Variants in THEMIS observed in about 807,000 individuals in gnomAD.
THEMIS encodes the protein protein THEMIS.
THEMIS carries 37 observed loss-of-function variants against 52.6 expected under a neutral mutation model. That is an observed-to-expected ratio of 0.70 (90% CI 0.54 to 0.93). The LOEUF (loss-of-function observed/expected upper bound fraction) is 0.93. THEMIS is among the 40% of genes least tolerant of loss of function. The probability of loss-of-function intolerance (pLI) is 0.00; values close to 1 mark genes in which losing one functional copy is unlikely to be tolerated. For missense variants in THEMIS, 808 were observed against 763.1 expected (o/e 1.06, Z -0.69); for synonymous variants, 292 against 272.7 (o/e 1.07, Z -0.70).
intron 1 of THEMIS, 145 bp downstream of exon 1, chr6:127,900,697 T>A (rs1349258244): frequency 2.9e-6 from 2 of 680,308 alleles, no homozygotes; most frequent in African/African-American, 3.6e-5. Flanking sequence ...TGACGATTCG[T>A]TGGTCAGTTC....
At chr6:127,896,349 A>G (rs901557871) in intron 1 of THEMIS, among the ~76,000 whole-genome samples, 1 of 151,544 alleles carries the variant, frequency 6.6e-6, no homozygotes, top group African/African-American at 2.4e-5. Flanking sequence ...TTAAAATTCA[A>G]TAAGTACAAC....
intron 1 of THEMIS, among the ~76,000 whole-genome samples, chr6:127,888,808 C>T (rs1367028491): frequency 2.0e-5 from 3 of 151,890 alleles, no homozygotes; most frequent in Non-Finnish European, 2.9e-5. Context: ...GCAACAGATG[C>T]TTCCTGAATA....
At chr6:127,765,571 G>T (rs1279347167) in intron 4 of THEMIS, among the ~76,000 whole-genome samples, 1 of 151,978 alleles carries the variant, frequency 6.6e-6, no homozygotes, top group Non-Finnish European at 1.5e-5. Flanking sequence ...GAACTGATCG[G>T]GTATACAGTC....
intron 1 of THEMIS, among the ~76,000 whole-genome samples, chr6:127,858,808 T>C (rs1481642546): frequency 1.3e-5 from 2 of 152,152 alleles, no homozygotes; most frequent in African/African-American, 4.8e-5. Context: ...AGTCAAAGCA[T>C]ATGTATTCAG....
intron 4 of THEMIS, among the ~76,000 whole-genome samples, chr6:127,763,854 G>T (rs949287642): frequency 9.2e-5 from 14 of 151,846 alleles, no homozygotes; most frequent in African/African-American, 3.4e-4. Flanking sequence ...ATCACTCAAA[G>T]AAGTTTTTCC....
chr6:127,825,382 C>T (rs898612372), intron 3 of THEMIS, among the ~76,000 whole-genome samples: 2 of 152,110 alleles, frequency 1.3e-5, no homozygotes, highest in Non-Finnish European at 1.5e-5. Context: ...CTCTCCAAGA[C>T]GATACAGGAT....
intron 4 of THEMIS, among the ~76,000 whole-genome samples, chr6:127,773,972 A>G (rs888124711): frequency 5.3e-5 from 8 of 152,206 alleles, no homozygotes; most frequent in Admixed American, 2.6e-4. Flanking sequence ...CTGTGAATCA[A>G]CTAGGCCCAA....
intron 4 of THEMIS, among the ~76,000 whole-genome samples, chr6:127,798,452 G>T (rs1048435291): frequency 6.6e-6 from 1 of 152,128 alleles, no homozygotes; most frequent in Non-Finnish European, 1.5e-5. Context: ...CTAAATAAAG[G>T]ATGGTTTCGA....
At chr6:127,699,090 G>A in the THEMIS span, among the ~76,000 whole-genome samples, 1 of 151,684 alleles carries the variant, frequency 6.6e-6, no homozygotes, top group African/African-American at 2.4e-5. Flanking sequence ...ATAAAAAAGA[G>A]TTAGACTTCT....
intron 4 of THEMIS, among the ~76,000 whole-genome samples, chr6:127,742,938 T>C (rs1775259932): frequency 2.0e-5 from 3 of 152,178 alleles, no homozygotes; most frequent in South Asian, 2.1e-4. Context: ...ATTTGTATTA[T>C]GTATATTTTA....
intron 1 of THEMIS, among the ~76,000 whole-genome samples, chr6:127,899,193 T>G (rs1050597765): frequency 3.3e-5 from 5 of 151,880 alleles, no homozygotes; most frequent in Non-Finnish European, 5.9e-5. Flanking sequence ...CTGACTTGAT[T>G]ATTACACACT....
chr6:127,753,675 C>A (rs1035095233), intron 4 of THEMIS, among the ~76,000 whole-genome samples: 1 of 151,942 alleles, frequency 6.6e-6, no homozygotes, highest in Non-Finnish European at 1.5e-5. Context: ...GTTAACAAAA[C>A]ATTTTAACAT....
chr6:127,906,444 G>A (rs1174776558), intron 1 of THEMIS, among the ~76,000 whole-genome samples: 1 of 151,858 alleles, frequency 6.6e-6, no homozygotes, highest in Non-Finnish European at 1.5e-5. Flanking sequence ...AATTCATACT[G>A]TTAATGGTGC....
chr6:127,903,406 T>A (rs1029849181), upstream of THEMIS, among the ~76,000 whole-genome samples: 10 of 150,768 alleles, frequency 6.6e-5, no homozygotes, highest in Non-Finnish European at 1.0e-4. Flanking sequence ...AACGAGAATT[T>A]TAAAAAAAAA....
chr6:127,836,853 G>C (rs1173006023), intron 2 of THEMIS, among the ~76,000 whole-genome samples: 2 of 152,096 alleles, frequency 1.3e-5, no homozygotes, highest in African/African-American at 4.8e-5. Flanking sequence ...CTCTCTGGAA[G>C]CTTTGACCTG....
chr6:127,814,676 C>T (rs558511723), intron 3 of THEMIS, among the ~76,000 whole-genome samples: 1 of 152,296 alleles, frequency 6.6e-6, no homozygotes, highest in South Asian at 2.1e-4. Context: ...GGTGAGTACT[C>T]ACCAATGTAT....
chr6:127,838,514 T>G (rs1447440109), intron 2 of THEMIS, among the ~76,000 whole-genome samples: 1 of 152,058 alleles, frequency 6.6e-6, no homozygotes, highest in African/African-American at 2.4e-5. Context: ...TCTTCCTCAT[T>G]TTTTTACTTT....
intron 4 of THEMIS, among the ~76,000 whole-genome samples, chr6:127,772,617 A>G (rs1390994523): frequency 6.6e-6 from 1 of 152,132 alleles, no homozygotes; most frequent in Non-Finnish European, 1.5e-5. Flanking sequence ...TCATTTTTGT[A>G]CAGTCAGAAG....
intron 2 of THEMIS, among the ~76,000 whole-genome samples, chr6:127,853,691 A>G (rs1389077553): frequency 6.6e-6 from 1 of 151,710 alleles, no homozygotes; most frequent in Non-Finnish European, 1.5e-5. Context: ...TAATATCTTA[A>G]TAATGGTAAC....
Sources: allele counts gnomAD v4.1 joint callset (sites outside exome capture counted in the v4.1 genomes callset), GRCh38; gene constraint gnomAD v4.1.1; transcripts MANE v1.5; gene names NCBI Gene and HGNC (gene_info 2026-07-23, HGNC 2026-07-21).